Variants in NCKAP5 observed in about 807,000 individuals in gnomAD.
The protein encoded by NCKAP5 is nck-associated protein 5.
In NCKAP5, 92 loss-of-function variants were observed where a neutral mutation model predicts 167.0. The observed-to-expected ratio is 0.55, with a 90% CI of 0.47 to 0.66. The LOEUF (loss-of-function observed/expected upper bound fraction) is 0.66, where lower values mean the gene tolerates loss of function less well. Among genes scored for constraint, NCKAP5 ranks in the 30% least tolerant of loss-of-function variants. The pLI is 0.00. For synonymous variants in NCKAP5, 891 were observed against 877.4 expected, an observed-to-expected ratio of 1.02 and a Z score of -0.27; for missense variants, 2,378 against 2,315.0, an observed-to-expected ratio of 1.03 and a Z score of -0.56.
At chr2:132,950,572 TG>T (rs1157810939) in intron 8 of NCKAP5, among the ~76,000 whole-genome samples, 2 of 152,140 alleles carry the variant, frequency 1.3e-5, no homozygotes, top group Non-Finnish European at 2.9e-5. Flanking sequence ...ACACCACTTT[TG>T]GGGAAAAAGG....
chr2:133,286,769 A>C (rs996665717), intron 4 of NCKAP5, among the ~76,000 whole-genome samples: 1 of 152,180 alleles, frequency 6.6e-6, no homozygotes, highest in Non-Finnish European at 1.5e-5. Flanking sequence ...TATGAGGACC[A>C]ATGAAGGAAT....
At chr2:132,899,075 A>C (rs1159009267) in intron 8 of NCKAP5, among the ~76,000 whole-genome samples, 2 of 152,226 alleles carry the variant, frequency 1.3e-5, no homozygotes, top group African/African-American at 2.4e-5. Flanking sequence ...CCTACATCAA[A>C]AAATCTGTTG....
chr2:132,755,998 T>G (rs1255910831), intron 16 of NCKAP5, among the ~76,000 whole-genome samples: 1 of 152,176 alleles, frequency 6.6e-6, no homozygotes, highest in East Asian at 1.9e-4. Context: ...CTATCATTAG[T>G]AGTATTATCT....
At chr2:132,988,906 A>C (rs1205740679) in intron 7 of NCKAP5, among the ~76,000 whole-genome samples, 1 of 152,218 alleles carries the variant, frequency 6.6e-6, no homozygotes, top group Admixed American at 6.5e-5. Flanking sequence ...TGAAAAACAA[A>C]GAACCCAGAG....
Position 133,130,090 on chromosome 2 carries a change from G to A in NCKAP5, c.229C>T (p.Leu77=). The A allele has an allele frequency of 6.2e-7, 1 of 1,610,662 alleles. No individual in the cohort carries two copies. Among genetic ancestry groups the A allele is most frequent in the South Asian group, 1.1e-5 (1 of 90,318 alleles). Residue 77 remains leucine (L), a synonymous_variant, in exon 6 of 20, where the codon CTG becomes TTG. Coordinates refer to ENST00000409261, the MANE Select transcript of NCKAP5 (RefSeq NM_207363.3). The part of the protein sequence containing the change: ...GAMHEKLIHE[L]EEERHLRLQS... ...AGACGTAAGTGTCTCTCCTCTTCCA[G>A]TTCATGTATCAGCTTCTCATGCTAT...
intron 6 of NCKAP5, among the ~76,000 whole-genome samples, chr2:133,075,396 G>A (rs2080564172): frequency 6.6e-6 from 1 of 152,192 alleles, no homozygotes; most frequent in African/African-American, 2.4e-5. Flanking sequence ...AGAGAAAACT[G>A]TGGAACTTCA....
chr2:133,143,826 A>G (rs1032917640), intron 5 of NCKAP5, among the ~76,000 whole-genome samples: 1 of 147,164 alleles, frequency 6.8e-6, no homozygotes, highest in African/African-American at 2.5e-5. Context: ...TTTTTTTTTT[A>G]AGATTATGAG....
At chr2:133,094,896 C>A (rs1039678897) in intron 6 of NCKAP5, among the ~76,000 whole-genome samples, 1 of 152,030 alleles carries the variant, frequency 6.6e-6, no homozygotes, top group Non-Finnish European at 1.5e-5. Context: ...TGCAGATGAC[C>A]CCTAGAAGTT....
intron 8 of NCKAP5, among the ~76,000 whole-genome samples, chr2:132,935,379 G>A (rs914465716): frequency 6.6e-6 from 1 of 152,156 alleles, no homozygotes; most frequent in Admixed American, 6.5e-5. Flanking sequence ...AGCTTGAGCC[G>A]AGTTTTTGTT....
intron 3 of NCKAP5, among the ~76,000 whole-genome samples, chr2:133,370,638 T>C (rs1167354604): frequency 6.6e-6 from 1 of 150,926 alleles, no homozygotes; most frequent in Non-Finnish European, 1.5e-5. Flanking sequence ...ATAATAAAAA[T>C]CCTATTAATG....
chr2:132,883,205 T>TACACACACACAC (rs3044408), intron 8 of NCKAP5, among the ~76,000 whole-genome samples: 8,506 of 139,590 alleles, frequency 0.061, 303 homozygotes, highest in East Asian at 0.1. Flanking sequence ...CTGACTCAAA[T>TACACACACACAC]ACACACACAC....
chr2:133,312,383 TA>T (rs1382643721), intron 3 of NCKAP5, among the ~76,000 whole-genome samples: 1 of 152,142 alleles, frequency 6.6e-6, no homozygotes, highest in Non-Finnish European at 1.5e-5. Context: ...TTTCCCCTTT[TA>T]AAAAAAATCC....
intron 3 of NCKAP5, among the ~76,000 whole-genome samples, chr2:133,497,460 T>C (rs1157363982): frequency 6.6e-6 from 1 of 152,204 alleles, no homozygotes; most frequent in Non-Finnish European, 1.5e-5. Flanking sequence ...ATGGGCTGAA[T>C]AAGATCCTCA....
rs540576482 is a variant in NCKAP5 at position 132,686,635 on chromosome 2, T to C, written c.5714-13330A>G. Among the ~76,000 whole-genome samples, 61 of 152,318 alleles carry C rather than the reference T, an allele frequency of 4.0e-4. 1 individual carries two copies. In the Middle Eastern group the frequency reaches 0.014, roughly 34 times the overall value. On this transcript the variant is annotated intron_variant, in intron 19 of 19. Coordinates refer to ENST00000409261, the MANE Select transcript of NCKAP5 (RefSeq NM_207363.3). ...AATTATGTTTATTTACTGGTCATCCTTTTCCCCCCTATCACTTTAACTTTC... is the reference window on the plus strand; with the variant it reads ...AATTATGTTTATTTACTGGTCATCCCTTTCCCCCCTATCACTTTAACTTTC...
chr2:132,692,937 G>C (rs969532581), intron 19 of NCKAP5, among the ~76,000 whole-genome samples: 1 of 152,150 alleles, frequency 6.6e-6, no homozygotes, highest in East Asian at 1.9e-4. Context: ...CATACAGACT[G>C]TGTCTATAGC....
chr2:133,309,423 C>T (rs1681072770), intron 3 of NCKAP5, among the ~76,000 whole-genome samples: 1 of 152,090 alleles, frequency 6.6e-6, no homozygotes, highest in African/African-American at 2.4e-5. Flanking sequence ...TTCCACTTGC[C>T]CTCGTTAGTG....
intron 5 of NCKAP5, among the ~76,000 whole-genome samples, chr2:133,210,539 G>C (rs567648179): frequency 1.8e-4 from 28 of 152,116 alleles, no homozygotes; most frequent in African/African-American, 6.7e-4. Flanking sequence ...TGCTACAGAC[G>C]TAACAAAAGT....
At chr2:133,246,304 A>G (rs2087990007) in intron 4 of NCKAP5, among the ~76,000 whole-genome samples, 1 of 152,196 alleles carries the variant, frequency 6.6e-6, no homozygotes, top group South Asian at 2.1e-4. Context: ...CAATGACATG[A>G]AAAAAAGCTT....
At chr2:132,763,780 A>C (rs1681213269) in intron 16 of NCKAP5, among the ~76,000 whole-genome samples, 1 of 152,138 alleles carries the variant, frequency 6.6e-6, no homozygotes, top group African/African-American at 2.4e-5. Context: ...TTCTCTTATC[A>C]GTGATCACAA....
Sources: allele counts gnomAD v4.1 joint callset (sites outside exome capture counted in the v4.1 genomes callset), GRCh38; gene constraint gnomAD v4.1.1; transcripts MANE v1.5; gene names NCBI Gene and HGNC (gene_info 2026-07-23, HGNC 2026-07-21).